SYCP2L: variants seen among roughly 807,000 people sequenced by gnomAD.
The protein encoded by SYCP2L is synaptonemal complex protein 2-like.
A neutral mutation model predicts 125.8 loss-of-function variants in SYCP2L; 98 were observed. The observed-to-expected ratio is 0.78, with a 90% CI of 0.66 to 0.92. SYCP2L has a LOEUF of 0.92. Ranked by LOEUF, SYCP2L falls within the 40% of genes least tolerant of loss-of-function variation. The pLI is 0.00. For missense variants in SYCP2L, 842 were observed against 936.4 expected (o/e 0.90, Z 1.32); for synonymous variants, 317 against 325.4 (o/e 0.97, Z 0.28).
intron 10 of SYCP2L, 65 bp downstream of exon 10, chr6:10,907,749 T>C: frequency 6.4e-7 from 1 of 1,554,656 alleles, no homozygotes; most frequent in Non-Finnish European, 8.7e-7. Context: ...CTGAGAACTT[T>C]CCTGTGCATT....
intron 20 of SYCP2L, among the ~76,000 whole-genome samples, chr6:10,934,128 T>C (rs1781049894): frequency 6.6e-6 from 1 of 152,176 alleles, no homozygotes; most frequent in Non-Finnish European, 1.5e-5. Context: ...GCACTCTGTC[T>C]CTCTCTTAAC....
At chr6:10,964,176 C>G (rs1450860302) in intron 29 of SYCP2L, among the ~76,000 whole-genome samples, 2 of 152,168 alleles carry the variant, frequency 1.3e-5, no homozygotes, top group African/African-American at 4.8e-5. Flanking sequence ...CGAGGATGGT[C>G]TCGATCTCCT....
intron 28 of SYCP2L, among the ~76,000 whole-genome samples, chr6:10,963,091 T>G (rs1781620611): frequency 6.6e-6 from 1 of 152,198 alleles, no homozygotes; most frequent in African/African-American, 2.4e-5. Flanking sequence ...ATTAGGCAAC[T>G]CTCTCTTCAA....
At position 10,920,118 on chromosome 6, in the gene SYCP2L, C is replaced by T. The variant is rs192101787; in HGVS notation, c.1073-4378C>T. Among the ~76,000 whole-genome samples the T allele has an allele frequency of 7.4e-4, 112 of 152,288 alleles. 1 individual carries two copies. In the East Asian group the frequency reaches 0.014, roughly 19 times the overall value. On this transcript the variant is annotated intron_variant, in intron 14 of 29. Transcript: ENST00000283141. Reference sequence around the variant, plus strand: ...CCATCGTGGGCAGAACTAGGTTGTACATTGACTGTTGTCTCAAGGCAATCT... The same window carrying T: ...CCATCGTGGGCAGAACTAGGTTGTATATTGACTGTTGTCTCAAGGCAATCT...
At position 10,955,180 on chromosome 6, in the gene SYCP2L, A is replaced by G; in HGVS notation, c.2019A>G (p.Gly673=). 6.2e-7 allele frequency: 1 copy of G among 1,613,388 alleles called. No homozygotes were observed. The change falls in exon 24 of 30, where the codon GGA becomes GGG. Residue 673 remains glycine, a synonymous_variant. Transcript: ENST00000283141. ...QSRLEEEVAP[G]SPFSITEERE... ...GATTGGAAGAAGAGGTTGCTCCGGGATCCCCTTTCTCAATAACAGAAGAAA... is the reference window on the plus strand; with the variant it reads ...GATTGGAAGAAGAGGTTGCTCCGGGGTCCCCTTTCTCAATAACAGAAGAAA...
rs1339471977 is a variant in SYCP2L, at chr6:10,954,211, G to A, written c.1955-905G>A. The stretch of plus-strand genomic sequence containing the variant: ...GAAGTCAGATGATGTCACAACTAAA[G>A]GTACAGTGCGGGGGAGAGAGTGGTT... On this transcript the variant is annotated intron_variant, in intron 23 of 29. Coordinates refer to ENST00000283141, the MANE Select transcript of SYCP2L (RefSeq NM_001040274.3). This position sits in a 1 kb window ranked among gnomAD's most constrained non-coding sequence, Gnocchi z 4.8. 6.6e-6 allele frequency among the ~76,000 whole-genome samples: 1 copy of A among 152,202 alleles called. No homozygotes were observed. Among genetic ancestry groups the A allele is most frequent in the African/African-American group, 2.4e-5 (1 of 41,450 alleles).
chr6:10,961,233 A>C (rs188268853), intron 26 of SYCP2L, 72 bp from the exon 27 acceptor site: 1 of 1,194,648 alleles, frequency 8.4e-7, no homozygotes. Flanking sequence ...TTGTAATCAG[A>C]TGACTTATTA....
chr6:10,907,487 T>G (rs1780518189), intron 9 of SYCP2L, 55 bp from the exon 10 acceptor site: 1 of 1,531,256 alleles, frequency 6.5e-7, no homozygotes. Flanking sequence ...GAACTCATTT[T>G]TTCTTTTGCT....
intron 10 of SYCP2L, 54 bp downstream of exon 10, chr6:10,907,738 G>T (rs1007096752): frequency 1.3e-6 from 2 of 1,583,398 alleles, no homozygotes; most frequent in Non-Finnish European, 1.7e-6. Context: ...TTAAGCATCC[G>T]CTGAGAACTT....
At chr6:10,899,265 AT>A (rs1780337121) in intron 6 of SYCP2L, among the ~76,000 whole-genome samples, 1 of 152,224 alleles carries the variant, frequency 6.6e-6, no homozygotes, top group African/African-American at 2.4e-5. Context: ...AAAGGTAATT[AT>A]GCTGGGTGTG....
intron 23 of SYCP2L, 57 bp from the exon 24 acceptor site, chr6:10,955,059 C>G: frequency 7.6e-7 from 1 of 1,312,602 alleles, no homozygotes; most frequent in Non-Finnish European, 1.1e-6. Context: ...CATTAACTGC[C>G]AAAAAATGAA....
At chr6:10,929,053 AC>A (rs1226622912) in intron 18 of SYCP2L, among the ~76,000 whole-genome samples, 1 of 151,514 alleles carries the variant, frequency 6.6e-6, no homozygotes, top group Non-Finnish European at 1.5e-5. Flanking sequence ...CACCATGCCT[AC>A]CTAATTTTTG....
chr6:10,890,452 G>A lies in SYCP2L; in HGVS notation c.10-1061G>A, dbSNP rs767625464. Among the ~76,000 whole-genome samples the A allele has an allele frequency of 1.2e-4, 18 of 152,272 alleles. No homozygotes were observed. The East Asian group carries it at 2.9e-3, about 24-fold the overall frequency. On this transcript the variant is annotated intron_variant, in intron 1 of 29. Coordinates refer to ENST00000283141, the MANE Select transcript of SYCP2L (RefSeq NM_001040274.3). ...TTTGCATTTTCCAATGATTAGTGAT[G>A]TTGAGTATTTTTTCATATACCTGTT...
At chr6:10,966,559 C>G (rs1284741550) in intron 29 of SYCP2L, among the ~76,000 whole-genome samples, 3 of 152,100 alleles carry the variant, frequency 2.0e-5, no homozygotes, top group Non-Finnish European at 4.4e-5. Context: ...CCCCAAAGCC[C>G]CAGCAGGGTT....
chr6:10,925,835 C>G (rs933226432), intron 15 of SYCP2L, among the ~76,000 whole-genome samples: 1 of 152,178 alleles, frequency 6.6e-6, no homozygotes, highest in East Asian at 1.9e-4. Flanking sequence ...TTTGCCTTAA[C>G]TCACAAAAAC....
At chr6:10,925,492 A>G (rs1446415954) in intron 15 of SYCP2L, among the ~76,000 whole-genome samples, 5 of 152,168 alleles carry the variant, frequency 3.3e-5, no homozygotes, top group Non-Finnish European at 7.4e-5. Flanking sequence ...GAAACAGGAA[A>G]CCTTTCTGTA....
chr6:10,888,002 A>G lies in SYCP2L; in HGVS notation c.9+867A>G, dbSNP rs115369892. ...TTTTTATGTGCCCAGGCACTATGCT[A>G]AGAACATTACAGACATTCTGTCAGT... On this transcript the variant is annotated intron_variant, in intron 1 of 29. Coordinates refer to ENST00000283141, the MANE Select transcript of SYCP2L (RefSeq NM_001040274.3). Among the ~76,000 whole-genome samples, 229 of 147,836 alleles carry G rather than the reference A, an allele frequency of 1.5e-3. 1 individual carries two copies. The highest frequency in any genetic ancestry group is 5.4e-3 in the African/African-American group (218 of 40,550).
chr6:10,923,380 CTTTTT>C (rs1226992236), intron 14 of SYCP2L, among the ~76,000 whole-genome samples: 1 of 92,478 alleles, frequency 1.1e-5, no homozygotes, highest in African/African-American at 4.5e-5. Context: ...GAAACACACA[CTTTTT>C]TTTTTTTTTT....
chr6:10,927,145 G>A, intron 16 of SYCP2L, 95 bp from the exon 17 acceptor site: 2 of 1,534,496 alleles, frequency 1.3e-6, no homozygotes, highest in Admixed American at 2.0e-5. Flanking sequence ...ACCAAAGGAT[G>A]GAGAGGTACC....
Sources: gnomAD v4.1 joint callset for allele counts (sites outside exome capture counted in the v4.1 genomes callset) on GRCh38, gnomAD v4.1.1 for gene constraint, Gnocchi (gnomAD v3.1) non-coding constraint, MANE v1.5 for transcripts, NCBI Gene and HGNC (gene_info 2026-07-23, HGNC 2026-07-21) for gene names.